Variants in BICD1 observed in about 807,000 individuals in gnomAD.
The protein encoded by BICD1 is BICD cargo adaptor 1.
A neutral mutation model predicts 92.5 loss-of-function variants in BICD1; 35 were observed. The ratio of observed to expected loss-of-function variants is 0.38; its 90% CI spans 0.29 to 0.50. The LOEUF (loss-of-function observed/expected upper bound fraction) is 0.50. BICD1 is among the 20% of genes least tolerant of loss of function. The pLI is 0.93. For missense variants in BICD1, 950 were observed against 1,189.8 expected, an observed-to-expected ratio of 0.80 and a Z score of 2.97; for synonymous variants, 429 against 465.1, an observed-to-expected ratio of 0.92 and a Z score of 1.00.
chr12:32,198,343 T>TATATATATAC (rs1944793694), intron 1 of BICD1, among the ~76,000 whole-genome samples: 1 of 140,794 alleles, frequency 7.1e-6, no homozygotes, highest in Non-Finnish European at 1.5e-5. Flanking sequence ...TATATATATA[T>TATATATATAC]ATATATATAT....
chr12:32,312,756 C>A (rs1044339471), intron 4 of BICD1, among the ~76,000 whole-genome samples: 6 of 152,138 alleles, frequency 3.9e-5, no homozygotes, highest in Admixed American at 3.3e-4. Flanking sequence ...CATTTTGATT[C>A]ACCTCAGTCT....
intron 1 of BICD1, among the ~76,000 whole-genome samples, chr12:32,206,642 G>T (rs1945066062): frequency 6.6e-6 from 1 of 152,138 alleles, no homozygotes; most frequent in South Asian, 2.1e-4. Context: ...TCTTCCTTCA[G>T]CAAATGTATT....
intron 4 of BICD1, among the ~76,000 whole-genome samples, chr12:32,314,440 A>G (rs1005053764): frequency 6.6e-5 from 10 of 152,182 alleles, no homozygotes; most frequent in African/African-American, 2.2e-4. Flanking sequence ...AACACTTGTT[A>G]TTATGTGCCT....
chr12:32,291,310 G>A (rs1353614806), intron 2 of BICD1, among the ~76,000 whole-genome samples: 1 of 151,534 alleles, frequency 6.6e-6, no homozygotes, highest in Non-Finnish European at 1.5e-5. Flanking sequence ...GCCAAAGCAG[G>A]AGGATTGCTT....
intron 2 of BICD1, among the ~76,000 whole-genome samples, chr12:32,254,897 C>A (rs1027329877): frequency 6.6e-6 from 1 of 152,110 alleles, no homozygotes; most frequent in Non-Finnish European, 1.5e-5. Context: ...AAAGCAGAAG[C>A]ATTAAGTAAG....
rs1944324595 is a variant in BICD1 at position 32,183,066 on chromosome 12, A to T, written c.214-33181A>T. ...ACCAGTGCACTCAGCTCATTGTTTT[A>T]TTTTTTAAATGTTTTGTAGAGACGG... is the stretch of plus-strand genomic sequence containing the variant. On this transcript the variant is annotated intron_variant, in intron 1 of 9. Coordinates refer to ENST00000652176, the MANE Select transcript of BICD1 (RefSeq NM_001714.4). Among the ~76,000 whole-genome samples, 3 of 150,080 alleles carry T rather than the reference A, an allele frequency of 2.0e-5. 1 individual carries two copies.
chr12:32,195,779 G>A (rs779919759), intron 1 of BICD1, among the ~76,000 whole-genome samples: 1 of 152,068 alleles, frequency 6.6e-6, no homozygotes, highest in Non-Finnish European at 1.5e-5. Context: ...AATGAAATGG[G>A]ACTATGTTAA....
intron 1 of BICD1, chr12:32,107,770 T>A: frequency 1.4e-6 from 1 of 709,258 alleles, no homozygotes; most frequent in Non-Finnish European, 2.6e-6. Flanking sequence ...GCAATGGCTG[T>A]TTGGCCTGCG....
intron 4 of BICD1, among the ~76,000 whole-genome samples, chr12:32,314,547 G>T (rs1948452268): frequency 6.6e-6 from 1 of 152,072 alleles, no homozygotes; most frequent in Non-Finnish European, 1.5e-5. Context: ...ATCTTTTCAT[G>T]TGCTTATCTG....
At chr12:32,108,782 G>T in intron 1 of BICD1, 1 of 584,312 alleles carries the variant, frequency 1.7e-6, no homozygotes, top group East Asian at 2.9e-5. Flanking sequence ...TACTACCTAT[G>T]ATTAAAAATC....
intron 8 of BICD1, among the ~76,000 whole-genome samples, chr12:32,356,304 C>T (rs1939094787): frequency 6.6e-6 from 1 of 152,092 alleles, no homozygotes; most frequent in African/African-American, 2.4e-5. Flanking sequence ...CTGATGGACT[C>T]TAAATTTCAT....
At chr12:32,201,598 G>A (rs1198664694) in intron 1 of BICD1, among the ~76,000 whole-genome samples, 1 of 151,972 alleles carries the variant, frequency 6.6e-6, no homozygotes, top group Non-Finnish European at 1.5e-5. Flanking sequence ...TCAAACTTGA[G>A]GACCCAGAAT....
rs1038052156 is a variant in BICD1, at chr12:32,367,724, G to A, written c.2819G>A (p.Arg940Lys). The change falls in exon 9 of 10, where the codon AGG becomes AAG. Residue 940 changes from arginine to lysine, a missense_variant. Arg to Lys is a conservative substitution (Grantham distance 26). Transcript: ENST00000652176. ...CCACAGTGCTCACAACTAGCCGGGA[G>A]GCAAGACTGCCCAACTGTCAGGTAA... ...VPPQCSQLAG[R>K]QDCPTVSPDT... is the part of the protein sequence containing the mutation. The A allele has an allele frequency of 1.9e-6, 3 of 1,614,166 alleles. No homozygotes were observed. Among genetic ancestry groups the A allele is most frequent in the Admixed American group, 1.7e-5 (1 of 60,016 alleles).
intron 4 of BICD1, among the ~76,000 whole-genome samples, chr12:32,324,748 T>G (rs1304697926): frequency 2.0e-5 from 3 of 151,956 alleles, no homozygotes; most frequent in Non-Finnish European, 4.4e-5. Flanking sequence ...GCTAATTTTT[T>G]AAAATATTTT....
Position 32,107,151 on chromosome 12 carries a change from C to G in BICD1, c.-181C>G. The G allele has an allele frequency of 1.6e-6, 1 of 632,530 alleles. No homozygotes were observed. Among genetic ancestry groups the G allele is most frequent in the Non-Finnish European group, 2.7e-6 (1 of 364,462 alleles). 39.2% of individuals were successfully genotyped at this position (632,530 alleles called of 1,614,324 possible). On this transcript the variant is annotated 5_prime_UTR_variant, in exon 1 of 10. Transcript: ENST00000652176. ...TCCATGTTGCATTTCTCGTCAGTTTCTCGGGCGGTGTAGCTGCCGCTGCCA... is the reference window on the plus strand; with the variant it reads ...TCCATGTTGCATTTCTCGTCAGTTTGTCGGGCGGTGTAGCTGCCGCTGCCA...
chr12:32,144,039 C>G (rs1943032319), intron 1 of BICD1, among the ~76,000 whole-genome samples: 2 of 152,026 alleles, frequency 1.3e-5, no homozygotes, highest in South Asian at 4.2e-4. Flanking sequence ...GTCCTTTATT[C>G]TTTGTATGTG....
At chr12:32,311,421 C>T (rs1436701672) in intron 4 of BICD1, among the ~76,000 whole-genome samples, 1 of 152,110 alleles carries the variant, frequency 6.6e-6, no homozygotes, top group Non-Finnish European at 1.5e-5. Context: ...ATCACTTGAA[C>T]CCAGGAGGCG....
intron 8 of BICD1, chr12:32,339,816 G>A (rs1328572019): frequency 4.1e-6 from 4 of 982,998 alleles, no homozygotes; most frequent in Admixed American, 6.1e-5. Flanking sequence ...AACTATTTAA[G>A]TTAGTTATTG....
intron 2 of BICD1, among the ~76,000 whole-genome samples, chr12:32,241,452 C>T (rs1054114045): frequency 6.6e-6 from 1 of 152,196 alleles, no homozygotes; most frequent in Non-Finnish European, 1.5e-5. Flanking sequence ...GGATATCCTC[C>T]AAGTACACAG....
Sources: gnomAD v4.1 joint callset for allele counts (sites outside exome capture counted in the v4.1 genomes callset) on GRCh38, gnomAD v4.1.1 for gene constraint, MANE v1.5 for transcripts, NCBI Gene and HGNC (gene_info 2026-07-23, HGNC 2026-07-21) for gene names.